The following NBPF3 variants were observed in gnomAD, a reference collection of about 807,000 sequenced individuals.
NBPF3 encodes NBPF member 3.
In NBPF3, 57 loss-of-function variants were observed where a neutral mutation model predicts 78.1. The ratio of observed to expected loss-of-function variants is 0.73; its 90% CI spans 0.59 to 0.91. NBPF3 has a LOEUF of 0.91. Ranked by LOEUF, NBPF3 falls within the 40% of genes least tolerant of loss-of-function variation. NBPF3 has a pLI of 0.00. For synonymous variants in NBPF3, 182 were observed against 271.7 expected (o/e 0.67, Z 3.25); for missense variants, 510 against 715.3 (o/e 0.71, Z 3.27).
Position 21,475,213 on chromosome 1 carries a change from C to G in NBPF3, c.992+262C>G, listed in dbSNP as rs536083469. On this transcript the variant is annotated intron_variant, in intron 8 of 14. Coordinates refer to ENST00000318249, the MANE Select transcript of NBPF3 (RefSeq NM_032264.6). ...CTTGTTGATCTTTTCAAAAAACCAG[C>G]TCCTGGATTCACTGATTTTTTTGAA... 3.3e-5 allele frequency among the ~76,000 whole-genome samples: 5 copies of G among 152,316 alleles called. No individual in the cohort carries two copies. The South Asian group carries it at 1.0e-3, about 32-fold the overall frequency.
chr1:21,450,329 A>G (rs1641236884), intron 2 of NBPF3, among the ~76,000 whole-genome samples: 1 of 152,148 alleles, frequency 6.6e-6, no homozygotes, highest in Non-Finnish European at 1.5e-5. Context: ...TTCCATCATC[A>G]ACCAATAACA....
intron 2 of NBPF3, among the ~76,000 whole-genome samples, chr1:21,445,726 T>C (rs1372183822): frequency 6.6e-6 from 1 of 152,166 alleles, no homozygotes; most frequent in African/African-American, 2.4e-5. Context: ...CATGGCTCAG[T>C]TGCCAGTATA....
chr1:21,468,540 T>C (rs1444727639), intron 2 of NBPF3, 148 bp from the exon 3 acceptor site: 1 of 1,512,918 alleles, frequency 6.6e-7, no homozygotes. Context: ...TTTTTGTCGT[T>C]AAGGATCCTA....
chr1:21,470,926 T>C (rs4654944), intron 4 of NBPF3, among the ~76,000 whole-genome samples, 192 bp downstream of exon 4: 110,652 of 152,056 alleles, frequency 0.73, 41,057 homozygotes, highest in South Asian at 0.9. Context: ...GCAGTTGTTT[T>C]TCAGAGCCTT....
In NBPF3 at chr1:21,470,475, C is replaced by T. The variant is rs115036203; in HGVS notation, c.344-157C>T. ...TTTGGAGGATCAGCTGCCAGTAAGT[C>T]GGGAGACTGAAGAGTAAAGATGTGG... On this transcript the variant is annotated intron_variant, in intron 3 of 14. Coordinates refer to ENST00000318249, the MANE Select transcript of NBPF3 (RefSeq NM_032264.6). Among the ~76,000 whole-genome samples the T allele has an allele frequency of 6.6e-3, 998 of 152,262 alleles. 4 individuals are homozygous for T. Among genetic ancestry groups the T allele is most frequent in the Non-Finnish European group, 9.6e-3 (655 of 68,026 alleles).
chr1:21,445,519 C>T (rs982558872), intron 2 of NBPF3, among the ~76,000 whole-genome samples: 1 of 148,192 alleles, frequency 6.7e-6, no homozygotes, highest in East Asian at 2.0e-4. Context: ...TCCCCTCTCA[C>T]CCCCCATTCT....
At position 21,478,128 on chromosome 1, in the gene NBPF3, C is replaced by T. The variant is rs759864596; in HGVS notation, c.993-16C>T. On this transcript the variant is annotated splice_polypyrimidine_tract_variant and intron_variant, in intron 8 of 14. Coordinates refer to ENST00000318249, the MANE Select transcript of NBPF3 (RefSeq NM_032264.6). ...GGTTATATCTTCTGTCATCCCTGTC[C>T]TGCCTGGCTCATCAGGAATCTGCAG... The T allele has an allele frequency of 9.3e-6, 15 of 1,613,596 alleles. No individual in the cohort carries two copies. The highest frequency in any genetic ancestry group is 2.7e-5 in the African/African-American group (2 of 74,922).
chr1:21,455,363 A>G (rs1366054247), intron 2 of NBPF3, among the ~76,000 whole-genome samples: 1 of 152,248 alleles, frequency 6.6e-6, no homozygotes, highest in East Asian at 1.9e-4. Context: ...ATAAGAGCAA[A>G]GATCACTGAG....
intron 11 of NBPF3, 80 bp downstream of exon 11, chr1:21,480,303 T>TGAGACAGGC: frequency 1.4e-6 from 1 of 722,338 alleles, no homozygotes; most frequent in Non-Finnish European, 2.4e-6. Flanking sequence ...AAGTGGCCCT[T>TGAGACAGGC]ATTGACCCGA....
At chr1:21,440,801 G>A (rs904757835) in intron 1 of NBPF3, 9 of 152,492 alleles carry the variant, frequency 5.9e-5, no homozygotes, top group African/African-American at 1.9e-4. Context: ...CTCCAGGCTG[G>A]TGATGGGCAA....
intron 2 of NBPF3, among the ~76,000 whole-genome samples, chr1:21,462,129 C>A (rs1371710389): frequency 2.6e-5 from 4 of 152,238 alleles, no homozygotes; most frequent in South Asian, 4.2e-4. Flanking sequence ...TCATTAGGAG[C>A]AGATGCGGGG....
chr1:21,459,675 C>T (rs1446741001), intron 2 of NBPF3: 18 of 369,274 alleles, frequency 4.9e-5, no homozygotes, highest in Middle Eastern at 1.0e-3. Context: ...GTACTGGGAA[C>T]GCTGAAGATG....
intron 2 of NBPF3, among the ~76,000 whole-genome samples, chr1:21,457,848 G>C (rs1372863627): frequency 1.3e-5 from 2 of 152,196 alleles, no homozygotes; most frequent in African/African-American, 4.8e-5. Flanking sequence ...TTGTGGCCCA[G>C]TAACGAGATG....
upstream of NBPF3, chr1:21,440,098 A>C (rs1640528047): frequency 6.7e-6 from 1 of 150,224 alleles, no homozygotes; most frequent in Non-Finnish European, 1.5e-5. Flanking sequence ...CCGGACCCTG[A>C]GGAGCCAGTG....
chr1:21,478,040 T>C, intron 8 of NBPF3, 104 bp from the exon 9 acceptor site: 3 of 1,608,650 alleles, frequency 1.9e-6, no homozygotes, highest in Non-Finnish European at 2.5e-6. Flanking sequence ...CTTTGGTTTC[T>C]GTGAGCACTC....
At chr1:21,475,777 G>A (rs191756358) in intron 8 of NBPF3, among the ~76,000 whole-genome samples, 1 of 152,292 alleles carries the variant, frequency 6.6e-6, no homozygotes, top group African/African-American at 2.4e-5. Context: ...GTTCGTAGAT[G>A]TCTATTAGGT....
chr1:21,437,433 T>C (rs1230977466), upstream of NBPF3: 2 of 1,332,598 alleles, frequency 1.5e-6, no homozygotes, highest in Non-Finnish European at 2.0e-6. Flanking sequence ...GAGGAACAGA[T>C]GTAGCGCCTG....
At chr1:21,437,320 G>A (rs1470418554), upstream of NBPF3, 3 of 428,048 alleles carry the variant, frequency 7.0e-6, no homozygotes, top group African/African-American at 2.1e-5. Context: ...GTGGGTGGGT[G>A]GGGGCTTTGA....
Position 21,460,619 on chromosome 1 carries a change from A to C in NBPF3, c.134-8069A>C, listed in dbSNP as rs1641900358. On this transcript the variant is annotated intron_variant, in intron 2 of 14. Transcript: ENST00000318249. This position sits in a 1 kb window ranked among gnomAD's most constrained non-coding sequence, Gnocchi z 4.2. ...TTAACCACTCTTCATCATACACTGA[A>C]ATTAACTTAAGATGTGAAAGTTAAA... Among the ~76,000 whole-genome samples the C allele has an allele frequency of 6.6e-6, 1 of 152,244 alleles. No individual in the cohort carries two copies. The highest frequency in any genetic ancestry group is 2.1e-4 in the South Asian group (1 of 4,832).
Sources: allele counts gnomAD v4.1 joint callset (sites outside exome capture counted in the v4.1 genomes callset), GRCh38; gene constraint gnomAD v4.1.1; non-coding constraint Gnocchi (gnomAD v3.1); transcripts MANE v1.5; gene names NCBI Gene and HGNC (gene_info 2026-07-23, HGNC 2026-07-21).